Variants in PCDHGA5 observed in about 807,000 individuals in gnomAD.
The protein encoded by PCDHGA5 is protocadherin gamma subfamily A, 5.
Under a neutral mutation model 56.7 loss-of-function variants are expected in PCDHGA5, and 36 were observed. That is an observed-to-expected ratio of 0.64 (90% CI 0.49 to 0.84). The LOEUF is 0.84. Ranked by LOEUF, PCDHGA5 falls within the 40% of genes least tolerant of loss-of-function variation. The probability of loss-of-function intolerance (pLI) is 0.00; values close to 1 mark genes in which losing one functional copy is unlikely to be tolerated. For missense variants in PCDHGA5, 1,305 were observed against 1,201.5 expected (o/e 1.09, Z -1.27); for synonymous variants, 563 against 520.2 (o/e 1.08, Z -1.12).
At chr5:141,426,655 A>C (rs2096950037) in intron 1 of PCDHGA5, 1 of 424,748 alleles carries the variant, frequency 2.4e-6, no homozygotes, top group Non-Finnish European at 4.8e-6. Flanking sequence ...ATGATAGAAG[A>C]TATAAATGAT....
chr5:141,366,355 A>G lies in PCDHGA5; in HGVS notation c.2025A>G (p.Leu675=), dbSNP rs1196036060. Residue 675 remains leucine (L), a synonymous_variant, in exon 1 of 4, where the codon CTA becomes CTG. Coordinates refer to ENST00000518069, the MANE Select transcript of PCDHGA5 (RefSeq NM_018918.3). ...ADRIPDILAD[L]GSIKTPIDPE... is the part of the protein sequence containing the mutation. ...GGATCCCTGACATCCTGGCTGACCT[A>G]GGCAGTATCAAGACCCCCATTGACC... 1 of 1,614,004 alleles carries G rather than the reference A, an allele frequency of 6.2e-7. No homozygotes were observed. Among genetic ancestry groups the G allele is most frequent in the Non-Finnish European group, 8.5e-7 (1 of 1,180,034 alleles).
At chr5:141,372,987 A>T (rs1769224200) in intron 1 of PCDHGA5, 5 of 640,814 alleles carry the variant, frequency 7.8e-6, no homozygotes, top group Non-Finnish European at 1.0e-5. Flanking sequence ...TCTGTGTTGC[A>T]GTTGTTCTTT....
rs537850909 is a variant in PCDHGA5 at position 141,441,865 on chromosome 5, G to A, written c.2422-52942G>A. ...CTTGGATATGGTGCTGCACGCCGCG[G>A]AGCCTGGCTACCTGGTCACCAAGGT... On this transcript the variant is annotated intron_variant, in intron 1 of 3. Coordinates refer to ENST00000518069, the MANE Select transcript of PCDHGA5 (RefSeq NM_018918.3). The A allele has an allele frequency of 4.0e-4, 138 of 345,718 alleles. 1 individual carries two copies. The Admixed American group carries it at 4.6e-3, about 12-fold the overall frequency. The allele number at this position is 345,718 out of a possible 1,614,324, so 21.4% of individuals were successfully genotyped here. A position where few individuals can be genotyped will look rare whatever the true frequency, so the allele number is the denominator to read the frequency against.
chr5:141,393,458 G>A (rs181214352), intron 1 of PCDHGA5: 5 of 1,614,020 alleles, frequency 3.1e-6, no homozygotes, highest in African/African-American at 2.7e-5. Context: ...TCACGGCCTC[G>A]GATGGCGGCA....
intron 1 of PCDHGA5, chr5:141,413,382 CAT>C (rs752944261): frequency 2.5e-6 from 4 of 1,613,998 alleles, no homozygotes; most frequent in Non-Finnish European, 3.4e-6. Flanking sequence ...GCGGAGTCCG[CAT>C]AGTCTCCAGA....
At chr5:141,382,764 A>G (rs1778415401) in intron 1 of PCDHGA5, 1 of 699,092 alleles carries the variant, frequency 1.4e-6, no homozygotes. Context: ...GCCCTCTTCC[A>G]GGCTGCACTA....
At chr5:141,478,545 A>C in intron 1 of PCDHGA5, 1 of 1,605,606 alleles carries the variant, frequency 6.2e-7, no homozygotes, top group Non-Finnish European at 8.5e-7. Flanking sequence ...CCTCCCGGAC[A>C]GGTAAGGTTT....
In PCDHGA5 at chr5:141,370,463, T is replaced by C. The variant is rs763997500; in HGVS notation, c.2421+3712T>C. On this transcript the variant is annotated intron_variant, in intron 1 of 3. Coordinates refer to ENST00000518069, the MANE Select transcript of PCDHGA5 (RefSeq NM_018918.3). ...GAATGCTATTTCTCTTCCTGCTCTCTTTGTTAGACCAGGCTCTCTCCGAAC... is the reference window on the plus strand; with the variant it reads ...GAATGCTATTTCTCTTCCTGCTCTCCTTGTTAGACCAGGCTCTCTCCGAAC... The C allele has an allele frequency of 1.9e-6, 3 of 1,612,968 alleles. No individual in the cohort carries two copies. The East Asian group carries it at 6.7e-5, about 36-fold the overall frequency.
rs747044319 is a variant in PCDHGA5 at position 141,382,892 on chromosome 5, G to C, written c.2421+16141G>C. The C allele has an allele frequency of 3.7e-5, 57 of 1,534,302 alleles. No individual in the cohort carries two copies. In the East Asian group the frequency reaches 9.8e-4, roughly 26 times the overall value. On this transcript the variant is annotated intron_variant, in intron 1 of 3. Coordinates refer to ENST00000518069, the MANE Select transcript of PCDHGA5 (RefSeq NM_018918.3). ...GATCGGCGCCTAAGCAAGAGAAGCA[G>C]GACGACTATGGCGGCTCAGCCGAGG...
intron 1 of PCDHGA5, chr5:141,396,060 G>C (rs1309175410): frequency 6.6e-6 from 1 of 152,200 alleles, no homozygotes; most frequent in African/African-American, 2.4e-5. Flanking sequence ...CCAATTAGCT[G>C]TTTCGGTTGT....
intron 1 of PCDHGA5, chr5:141,424,468 C>A (rs1301878037): frequency 1.3e-5 from 2 of 152,072 alleles, no homozygotes; most frequent in South Asian, 2.1e-4. Context: ...TCCTTTTATT[C>A]TTTTACTTTG....
chr5:141,367,702 CTTAAGG>C (rs1765297530), intron 1 of PCDHGA5: 1 of 151,984 alleles, frequency 6.6e-6, no homozygotes, highest in Admixed American at 6.6e-5. Flanking sequence ...GTAAAGGAAC[CTTAAGG>C]TTGGGCTTCG....
chr5:141,421,429 G>A, intron 1 of PCDHGA5: 1 of 1,614,090 alleles, frequency 6.2e-7, no homozygotes, highest in Non-Finnish European at 8.5e-7. Context: ...AGTCCGCATC[G>A]TCTCCAGAGG....
At chr5:141,423,367 G>A (rs1478466218) in intron 1 of PCDHGA5, 2 of 1,614,068 alleles carry the variant, frequency 1.2e-6, no homozygotes, top group Admixed American at 1.7e-5. Context: ...CGTGCTGCTG[G>A]CACTCAGGCT....
chr5:141,486,091 G>T lies in PCDHGA5; in HGVS notation c.2422-8716G>T. ...CTACTGGAAAGCTTACTCTTTTGGG[G>T]CCCCTAGACTTTGAGAGTGAGAATT... On this transcript the variant is annotated intron_variant, in intron 1 of 3. Coordinates refer to ENST00000518069, the MANE Select transcript of PCDHGA5 (RefSeq NM_018918.3). This position sits in a 1 kb window ranked among gnomAD's most constrained non-coding sequence, Gnocchi z 5.0. 1 of 1,614,158 alleles carries T rather than the reference G, an allele frequency of 6.2e-7. No homozygotes were observed. Among genetic ancestry groups the T allele is most frequent in the South Asian group, 1.1e-5 (1 of 91,078 alleles).
chr5:141,408,203 A>G (rs1299661641), intron 1 of PCDHGA5: 2 of 1,550,806 alleles, frequency 1.3e-6, no homozygotes, highest in African/African-American at 1.4e-5. Flanking sequence ...CGAGCGAACG[A>G]TGGGAGGGAG....
Position 141,365,760 on chromosome 5 carries a change from A to G in PCDHGA5, c.1430A>G (p.His477Arg). The G allele has an allele frequency of 6.2e-7, 1 of 1,613,756 alleles. No individual in the cohort carries two copies. Among genetic ancestry groups the G allele is most frequent in the Non-Finnish European group, 8.5e-7 (1 of 1,179,870 alleles). ...RGVSIFSVTA[H>R]DPDSGDNARV... ...GTCTCTATCTTCTCTGTGACAGCCC[A>G]TGACCCCGACAGCGGCGACAACGCT... The change falls in exon 1 of 4, where the codon CAT becomes CGT. Residue 477 changes from histidine (H) to arginine (R), a missense_variant. Coordinates refer to ENST00000518069, the MANE Select transcript of PCDHGA5 (RefSeq NM_018918.3).
intron 1 of PCDHGA5, chr5:141,409,571 TA>T: frequency 6.2e-7 from 1 of 1,613,932 alleles, no homozygotes; most frequent in Non-Finnish European, 8.5e-7. Flanking sequence ...CCAGACGTCC[TA>T]CGTGGTCCAC....
chr5:141,404,917 G>A (rs750464541), intron 1 of PCDHGA5: 37 of 1,613,652 alleles, frequency 2.3e-5, no homozygotes, highest in Middle Eastern at 3.3e-4. Flanking sequence ...CCCCTCTCTC[G>A]GCCACTGTCA....
Sources: gnomAD v4.1 joint callset for allele counts on GRCh38, gnomAD v4.1.1 for gene constraint, Gnocchi (gnomAD v3.1) non-coding constraint, MANE v1.5 for transcripts, NCBI Gene and HGNC (gene_info 2026-07-23, HGNC 2026-07-21) for gene names.